ZFC3H1: variants seen among roughly 807,000 people sequenced by gnomAD.
The protein encoded by ZFC3H1 is zinc finger C3H1 domain-containing protein.
In ZFC3H1, 71 loss-of-function variants were observed where a neutral mutation model predicts 243.7. The ratio of observed to expected loss-of-function variants is 0.29; its 90% CI spans 0.24 to 0.36. The LOEUF (loss-of-function observed/expected upper bound fraction) is 0.36, where lower values mean the gene tolerates loss of function less well. Ranked by LOEUF, ZFC3H1 falls within the 10% of genes least tolerant of loss-of-function variation. The pLI is 1.00. For synonymous variants in ZFC3H1, 838 were observed against 813.0 expected (o/e 1.03, Z -0.52); for missense variants, 1,966 against 2,317.1 (o/e 0.85, Z 3.11).
At chr12:71,658,475 G>C (rs1881081372) in intron 1 of ZFC3H1, among the ~76,000 whole-genome samples, 1 of 151,760 alleles carries the variant, frequency 6.6e-6, no homozygotes, top group South Asian at 2.1e-4. Flanking sequence ...TTTTAGTAGA[G>C]ATGGAGTTTC....
chr12:71,647,256 G>T (rs1880752014), intron 3 of ZFC3H1, among the ~76,000 whole-genome samples: 1 of 152,174 alleles, frequency 6.6e-6, no homozygotes, highest in Admixed American at 6.5e-5. Flanking sequence ...AGGCTTCTGT[G>T]TTTCATTCTA....
Position 71,631,978 on chromosome 12 carries a change from A to G in ZFC3H1, c.3354T>C (p.His1118=). The change falls in exon 15 of 35, where the codon CAT becomes CAC. Residue 1118 remains histidine (H), a synonymous_variant. Transcript: ENST00000378743. ...ATATGAAATGTTCAGTTACCTGACCATGCAAAACCTTCTCTGTAATGCCTG... is the reference window on the plus strand; with the variant it reads ...ATATGAAATGTTCAGTTACCTGACCGTGCAAAACCTTCTCTGTAATGCCTG... ...TTTGITEKVL[H]GQEISVDVDF... 6.3e-7 allele frequency: 1 copy of G among 1,599,660 alleles called. No individual in the cohort carries two copies. The highest frequency in any genetic ancestry group is 2.2e-5 in the East Asian group (1 of 44,768).
Position 71,645,222 on chromosome 12 carries a change from A to G in ZFC3H1, c.1081-147T>C, listed in dbSNP as rs1880699431. The G allele has an allele frequency of 4.2e-6, 3 of 710,712 alleles. No homozygotes were observed. The Admixed American group carries it at 9.1e-5, about 22-fold the overall frequency. 44.0% of individuals were successfully genotyped at this position (710,712 alleles called of 1,614,324 possible). A position where few individuals can be genotyped will look rare whatever the true frequency, so the allele number is the denominator to read the frequency against. ...ACAGATAAAATAAGTAAACTAATTT[A>G]CTTCCCACAGCCTGAGACTCTAATG... On this transcript the variant is annotated intron_variant, in intron 3 of 34. Transcript: ENST00000378743.
chr12:71,633,563 T>A, intron 12 of ZFC3H1, 125 bp from the exon 13 acceptor site: 2 of 674,980 alleles, frequency 3.0e-6, no homozygotes, highest in South Asian at 2.1e-5. Flanking sequence ...GATAAAAATG[T>A]AAAGGGATGA....
Position 71,634,198 on chromosome 12 carries a change from T to C in ZFC3H1, c.2467A>G (p.Thr823Ala). 6.2e-7 allele frequency: 1 copy of C among 1,614,040 alleles called. No individual in the cohort carries two copies. Among genetic ancestry groups the C allele is most frequent in the Non-Finnish European group, 8.5e-7 (1 of 1,179,962 alleles). ...IDGIGRIAMVTKQVTDAESKL... is the reference protein window; with the variant it reads ...IDGIGRIAMVAKQVTDAESKL... ...GATTCTGCATCTGTAACCTGCTTAG[T>C]AACCATTGCTATCCTGCCAATACCA... is the stretch of plus-strand genomic sequence containing the variant. Residue 823 changes from threonine to alanine, a missense_variant, in exon 12 of 35, where the codon ACT (threonine) becomes GCT (alanine). Physicochemically the swap from Thr to Ala is moderately conservative, Grantham distance 58. Around this residue, in one of 4 missense-constraint regions of ZFC3H1, gnomAD observed 1,383 missense variants for 1,723.7 expected, o/e 0.80. Coordinates refer to ENST00000378743, the MANE Select transcript of ZFC3H1 (RefSeq NM_144982.5).
chr12:71,662,629 T>C (rs7955509), intron 1 of ZFC3H1, among the ~76,000 whole-genome samples: 3,368 of 151,902 alleles, frequency 0.022, 141 homozygotes, highest in African/African-American at 0.076. Context: ...AAAGCAACAA[T>C]ATTACTTAAA....
rs1227722874 is a variant in ZFC3H1 at position 71,634,531 on chromosome 12, A to G, written c.2360+173T>C. The stretch of plus-strand genomic sequence containing the variant: ...TGGTTATGTCCTAGCACATCACTCT[A>G]TTCAAGTGTATGTATGACCATCCAG... On this transcript the variant is annotated intron_variant, in intron 11 of 34. Transcript: ENST00000378743. 3.9e-5 allele frequency among the ~76,000 whole-genome samples: 6 copies of G among 152,248 alleles called. No individual in the cohort carries two copies. In the East Asian group the frequency reaches 9.6e-4, roughly 24 times the overall value.
chr12:71,657,392 TTTTAA>T lies in ZFC3H1; in HGVS notation c.599-96_599-92del, dbSNP rs541756089. 30 of 977,108 alleles carry T rather than the reference TTTTAA, an allele frequency of 3.1e-5. No homozygotes were observed. In the African/African-American group the frequency reaches 3.3e-4, roughly 11 times the overall value. The allele number at this position is 977,108 out of a possible 1,614,324, so 60.5% of individuals were successfully genotyped here. On this transcript the variant is annotated intron_variant, in intron 1 of 34. Transcript: ENST00000378743. ...TAGATTATAGATGAATTTTCTCCCT[TTTTAA>T]TTTTTCAAGAAAAATGAATCGATAT... is the stretch of plus-strand genomic sequence containing the variant.
chr12:71,613,278 A>G (rs576691954), intron 31 of ZFC3H1, 57 bp downstream of exon 31: 1 of 1,254,444 alleles, frequency 8.0e-7, no homozygotes, highest in African/African-American at 1.5e-5. Context: ...GAATAATCTT[A>G]TATAAAGAGC....
rs1424164584 is a variant in ZFC3H1, at chr12:71,632,898, T to C, written c.2805A>G (p.Gln935=). The C allele has an allele frequency of 6.2e-7, 1 of 1,612,134 alleles. No homozygotes were observed. The highest frequency in any genetic ancestry group is 1.1e-5 in the South Asian group (1 of 90,368). Residue 935 remains glutamine, a synonymous_variant, in exon 14 of 35, where the codon CAA becomes CAG. Transcript: ENST00000378743. ...ATAAAACCCTCACCCCAAAGCGATC[T>C]TGTTCCAGTTTACGTTTTCCTATTT... The part of the protein sequence containing the change: ...SKEIGKRKLE[Q]DRFGPNKMMR...
Position 71,620,232 on chromosome 12 carries a change from C to T in ZFC3H1, c.4828G>A (p.Ala1610Thr), listed in dbSNP as rs1879992128. ...TACCTCTCCAGGAGTTGGTGCAGAG[C>T]AATCATGTTTGTGTAAAGTGGAAGG... is the stretch of plus-strand genomic sequence containing the variant. ...ACLPLYTNMI[A>T]LHQLLERYEA... is the part of the protein sequence containing the mutation. The change falls in exon 25 of 35, where the codon GCT (alanine) becomes ACT (threonine). Residue 1610 changes from alanine to threonine, a missense_variant. Around this residue, in one of 4 missense-constraint regions of ZFC3H1, gnomAD observed 1,383 missense variants for 1,723.7 expected, o/e 0.80. Coordinates refer to ENST00000378743, the MANE Select transcript of ZFC3H1 (RefSeq NM_144982.5). 5 of 1,614,126 alleles carry T rather than the reference C, an allele frequency of 3.1e-6. No individual in the cohort carries two copies. In the East Asian group the frequency reaches 1.1e-4, roughly 36 times the overall value.
At position 71,656,891 on chromosome 12, in the gene ZFC3H1, T is replaced by G. The variant is rs750316993; in HGVS notation, c.1009A>C (p.Ser337Arg). 2.5e-5 allele frequency: 41 copies of G among 1,608,904 alleles called. No homozygotes were observed. The highest frequency in any genetic ancestry group is 3.4e-5 in the Non-Finnish European group (40 of 1,178,036). ...LSLKSDTTDS[S>R]QGLQDKEQNL... ...AAATATTTAATTCCATTACCTTGAC[T>G]AGAATCAGTAGTGTCGGATTTCAGG... The change falls in exon 2 of 35, where the codon AGT (serine) becomes CGT (arginine). Residue 337 changes from serine to arginine, a missense_variant. Physicochemically the swap from Ser to Arg is moderately radical, Grantham distance 110. Coordinates refer to ENST00000378743, the MANE Select transcript of ZFC3H1 (RefSeq NM_144982.5).
chr12:71,619,832 A>G, intron 26 of ZFC3H1, 94 bp downstream of exon 26: 1 of 1,151,542 alleles, frequency 8.7e-7, no homozygotes, highest in Non-Finnish European at 1.2e-6. Flanking sequence ...CTGCTTGCAA[A>G]GGGTAAAAGG....
intron 27 of ZFC3H1, among the ~76,000 whole-genome samples, chr12:71,616,621 T>TAA (rs1278193572): frequency 6.6e-6 from 1 of 152,190 alleles, no homozygotes. Context: ...GTATGATACT[T>TAA]ACCACCATCT....
In ZFC3H1 at chr12:71,663,271, G is replaced by C. The variant is rs762526633; in HGVS notation, c.340C>G (p.Pro114Ala). ...CTCGAAGGCATCCGTACAGAAGGCG[G>C]ATGAGACCGGAACGGTTCTTTGGGT... ...YRPKEPFRSH[P>A]PSVRMPSSSL... The change falls in exon 1 of 35, where the codon CCG becomes GCG. Residue 114 changes from proline to alanine, a missense_variant. Pro to Ala is a conservative substitution (Grantham distance 27). Around this residue, in one of 4 missense-constraint regions of ZFC3H1, gnomAD observed 484 missense variants for 449.7 expected, o/e 1.08. Coordinates refer to ENST00000378743, the MANE Select transcript of ZFC3H1 (RefSeq NM_144982.5). 2.5e-6 allele frequency: 4 copies of C among 1,613,500 alleles called. No individual in the cohort carries two copies. In the Admixed American group the frequency reaches 6.7e-5, roughly 27 times the overall value.
chr12:71,615,318 T>TA lies in ZFC3H1; in HGVS notation c.5145-3_5145-2insT. ...GGTCCTGGAATATTTAAGAGATACCTGAAAAAAAAAATCCAAATATTGTTT... is the reference window on the plus strand; with the variant it reads ...GGTCCTGGAATATTTAAGAGATACCTAGAAAAAAAAAATCCAAATATTGTTT... On this transcript the variant is annotated splice_polypyrimidine_tract_variant and splice_region_variant and intron_variant, in intron 27 of 34. Coordinates refer to ENST00000378743, the MANE Select transcript of ZFC3H1 (RefSeq NM_144982.5). 1 of 1,572,294 alleles carries TA rather than the reference T, an allele frequency of 6.4e-7. No homozygotes were observed. Among genetic ancestry groups the TA allele is most frequent in the South Asian group, 1.2e-5 (1 of 86,698 alleles).
At chr12:71,622,305 C>A (rs973008120) in intron 24 of ZFC3H1, among the ~76,000 whole-genome samples, 3 of 152,140 alleles carry the variant, frequency 2.0e-5, no homozygotes, top group Admixed American at 1.3e-4. Flanking sequence ...TCTGATGAGA[C>A]CCACTTTGTC....
At chr12:71,659,198 G>A (rs1466636164) in intron 1 of ZFC3H1, among the ~76,000 whole-genome samples, 2 of 136,892 alleles carry the variant, frequency 1.5e-5, no homozygotes, top group Non-Finnish European at 2.9e-5. Flanking sequence ...TTACCCTGGT[G>A]ATAAGATATT....
chr12:71,642,619 A>G, intron 5 of ZFC3H1, 60 bp from the exon 6 acceptor site: 6 of 1,541,468 alleles, frequency 3.9e-6, no homozygotes, highest in Non-Finnish European at 5.3e-6. Flanking sequence ...ACAAATCACA[A>G]AAGAACTGAT....
Sources: allele counts gnomAD v4.1 joint callset (sites outside exome capture counted in the v4.1 genomes callset), GRCh38; gene constraint gnomAD v4.1.1; regional missense constraint gnomAD v4.1.1; transcripts MANE v1.5; gene names NCBI Gene and HGNC (gene_info 2026-07-23, HGNC 2026-07-21).